Variants in FHIT observed in about 807,000 individuals in gnomAD.
FHIT encodes the protein bis(5'-adenosyl)-triphosphatase.
In FHIT, 19 loss-of-function variants were observed where a neutral mutation model predicts 17.9. The observed-to-expected ratio is 1.06, with a 90% CI of 0.74 to 1.56. The LOEUF is 1.56. Ranked by LOEUF, FHIT falls within the 40% of genes most tolerant of loss-of-function variation. The probability of loss-of-function intolerance (pLI) is 0.00; values close to 1 mark genes in which losing one functional copy is unlikely to be tolerated. For missense variants in FHIT, 248 were observed against 189.2 expected (o/e 1.31, Z -1.82); for synonymous variants, 81 against 69.7 (o/e 1.16, Z -0.81).
intron 5 of FHIT, among the ~76,000 whole-genome samples, chr3:60,067,266 C>T (rs1702556804): frequency 6.6e-6 from 1 of 152,072 alleles, no homozygotes; most frequent in Non-Finnish European, 1.5e-5. Context: ...ATATGGAAGT[C>T]TATCTGAAGA....
chr3:59,770,246 G>C (rs1330964795), intron 8 of FHIT, among the ~76,000 whole-genome samples: 1 of 152,158 alleles, frequency 6.6e-6, no homozygotes, highest in Admixed American at 6.5e-5. Flanking sequence ...GTGGTAATTA[G>C]TTATTACTAT....
chr3:60,621,396 G>T (rs1284030718), intron 4 of FHIT, among the ~76,000 whole-genome samples: 2 of 151,740 alleles, frequency 1.3e-5, no homozygotes, highest in Non-Finnish European at 2.9e-5. Context: ...TGATCTGCCC[G>T]CCTCAGCCTC....
intron 2 of FHIT, among the ~76,000 whole-genome samples, chr3:61,130,410 A>T (rs899736450): frequency 1.3e-5 from 2 of 152,084 alleles, no homozygotes; most frequent in African/African-American, 4.8e-5. Flanking sequence ...ACATTCTTAC[A>T]ATTTCCCCAA....
chr3:60,928,268 A>G (rs554843743), intron 3 of FHIT, among the ~76,000 whole-genome samples: 5 of 151,844 alleles, frequency 3.3e-5, no homozygotes, highest in Admixed American at 3.3e-4. Flanking sequence ...GACCCTGCGA[A>G]ATCCCCCTCT....
intron 4 of FHIT, among the ~76,000 whole-genome samples, chr3:60,718,646 G>T (rs1553707341): frequency 1.3e-5 from 2 of 152,306 alleles, no homozygotes. Flanking sequence ...TACATTCAAA[G>T]ATTATAGTTA....
At chr3:60,442,565 C>A (rs1207866710) in intron 5 of FHIT, among the ~76,000 whole-genome samples, 1 of 152,088 alleles carries the variant, frequency 6.6e-6, no homozygotes, top group African/African-American at 2.4e-5. Context: ...TCAGGTTTGC[C>A]TAAGATCAGA....
intron 3 of FHIT, among the ~76,000 whole-genome samples, chr3:60,938,713 A>G (rs2107402550): frequency 6.6e-6 from 1 of 152,332 alleles, no homozygotes; most frequent in African/African-American, 2.4e-5. Flanking sequence ...GCAGCTCTCT[A>G]CATCCATTGC....
intron 5 of FHIT, among the ~76,000 whole-genome samples, chr3:60,187,343 G>A (rs945121856): frequency 1.3e-5 from 2 of 152,200 alleles, no homozygotes; most frequent in African/African-American, 4.8e-5. Context: ...TGAAGTGGAT[G>A]AGGCTGAAGT....
chr3:60,647,508 G>A (rs1226024176), intron 4 of FHIT, among the ~76,000 whole-genome samples: 1 of 152,138 alleles, frequency 6.6e-6, no homozygotes, highest in African/African-American at 2.4e-5. Flanking sequence ...CAAGTCCAGG[G>A]TTCTTTCCAC....
intron 5 of FHIT, among the ~76,000 whole-genome samples, chr3:60,091,615 G>A (rs1703735708): frequency 6.6e-6 from 1 of 152,142 alleles, no homozygotes; most frequent in Non-Finnish European, 1.5e-5. Context: ...CCTTAATGTT[G>A]GAAGTGGGGC....
chr3:60,360,162 A>G (rs563474690), intron 5 of FHIT, among the ~76,000 whole-genome samples: 1 of 152,176 alleles, frequency 6.6e-6, no homozygotes, highest in Non-Finnish European at 1.5e-5. Flanking sequence ...CTTAATATTT[A>G]TGACCACAAC....
At chr3:59,897,305 G>C (rs1704113995) in intron 8 of FHIT, among the ~76,000 whole-genome samples, 1 of 152,144 alleles carries the variant, frequency 6.6e-6, no homozygotes, top group Non-Finnish European at 1.5e-5. Flanking sequence ...CACAGCTCTA[G>C]ACACCCTCCC....
At chr3:60,872,603 C>T (rs1212256012) in intron 3 of FHIT, among the ~76,000 whole-genome samples, 2 of 152,078 alleles carry the variant, frequency 1.3e-5, no homozygotes, top group African/African-American at 2.4e-5. Context: ...CAAAAATAAT[C>T]CCACATTATT....
chr3:60,546,819 G>C (rs746657802), intron 4 of FHIT, among the ~76,000 whole-genome samples: 2 of 152,066 alleles, frequency 1.3e-5, no homozygotes, highest in East Asian at 1.9e-4. Context: ...AGTATACAAA[G>C]CATGTCTCGT....
chr3:60,243,569 G>A (rs188676752), intron 5 of FHIT, among the ~76,000 whole-genome samples: 11 of 152,084 alleles, frequency 7.2e-5, no homozygotes, highest in Admixed American at 5.2e-4. Flanking sequence ...TAAGCTCCAC[G>A]GTTTAAGCCC....
At chr3:60,330,676 A>G (rs1016453560) in intron 5 of FHIT, among the ~76,000 whole-genome samples, 1 of 152,208 alleles carries the variant, frequency 6.6e-6, no homozygotes, top group African/African-American at 2.4e-5. Context: ...TAAAAGATGT[A>G]TGTACAAGGT....
chr3:60,116,678 G>C (rs967844197), intron 5 of FHIT, among the ~76,000 whole-genome samples: 2 of 152,078 alleles, frequency 1.3e-5, no homozygotes, highest in Non-Finnish European at 2.9e-5. Flanking sequence ...GAAATAAAAA[G>C]TAGCCCCAAT....
intron 5 of FHIT, among the ~76,000 whole-genome samples, chr3:60,484,019 T>A (rs2033729677): frequency 1.3e-5 from 2 of 152,038 alleles, no homozygotes; most frequent in Admixed American, 6.5e-5. Flanking sequence ...TCACAAGCAT[T>A]CCTTTACACC....
intron 3 of FHIT, among the ~76,000 whole-genome samples, chr3:60,928,975 T>C (rs868927499): frequency 6.6e-6 from 1 of 152,178 alleles, no homozygotes; most frequent in African/African-American, 2.4e-5. Context: ...AATAAAATAC[T>C]GGCAAACCGA....
Sources: allele counts gnomAD v4.1 joint callset (sites outside exome capture counted in the v4.1 genomes callset), GRCh38; gene constraint gnomAD v4.1.1; transcripts MANE v1.5; gene names NCBI Gene and HGNC (gene_info 2026-07-23, HGNC 2026-07-21).